Variants in CDCA3 observed in about 807,000 individuals in gnomAD.
CDCA3 encodes the protein cell division cycle-associated protein 3.
Under a neutral mutation model 29.1 loss-of-function variants are expected in CDCA3, and 16 were observed. That is an observed-to-expected ratio of 0.55 (90% CI 0.37 to 0.83). The LOEUF is 0.83. Among genes scored for constraint, CDCA3 ranks in the 40% least tolerant of loss-of-function variants. The pLI is 0.00. For missense variants in CDCA3, 291 were observed against 327.2 expected, an observed-to-expected ratio of 0.89 and a Z score of 0.85; for synonymous variants, 88 against 124.5, an observed-to-expected ratio of 0.71 and a Z score of 1.95.
At chr12:6,845,005 G>A (rs782740415), downstream of CDCA3, 1 of 152,472 alleles carries the variant, frequency 6.6e-6, no homozygotes, top group South Asian at 2.1e-4. Context: ...GTCCATAATA[G>A]CTCATGTTTT....
Position 6,850,340 on chromosome 12 carries a change from GA to G in CDCA3, c.250+126del, listed in dbSNP as rs1409315106. On this transcript the variant is annotated intron_variant, in intron 3 of 5. Coordinates refer to ENST00000538862, the MANE Select transcript of CDCA3 (RefSeq NM_031299.7). This position sits in a 1 kb window ranked among gnomAD's most constrained non-coding sequence, Gnocchi z 4.7. The stretch of plus-strand genomic sequence containing the variant: ...GGCTGGGAACAAAATATTGAGATAA[GA>G]GTGAGATGGGTCCGAAGCAGGAGGA... 20 of 1,235,138 alleles carry G rather than the reference GA, an allele frequency of 1.6e-5. No homozygotes were observed. In the African/African-American group the frequency reaches 2.1e-4, roughly 13 times the overall value. The allele number at this position is 1,235,138 out of a possible 1,614,324, so 76.5% of individuals were successfully genotyped here.
Position 6,849,860 on chromosome 12 carries a change from T to C in CDCA3, c.251-2A>G. The C allele has an allele frequency of 1.3e-6, 2 of 1,520,782 alleles. No homozygotes were observed. The highest frequency in any genetic ancestry group is 1.8e-6 in the Non-Finnish European group (2 of 1,133,994). The allele number at this position is 1,520,782 out of a possible 1,614,324, so 94.2% of individuals were successfully genotyped here. ...GTTTCACCAGTGGGCTTGGGGGGTC[T>C]AGAGGAAGAAAGTGAAGTGAACAGT... is the stretch of plus-strand genomic sequence containing the variant. On this transcript the variant is annotated splice_acceptor_variant, in intron 3 of 5. Transcript: ENST00000538862. LOFTEE classifies it high-confidence loss of function. The surrounding 1 kb of genome is among the most constrained non-coding windows in gnomAD (Gnocchi z 5.2).
downstream of CDCA3, chr12:6,845,803 G>C (rs782189035): frequency 9.3e-6 from 15 of 1,607,876 alleles, no homozygotes; most frequent in Admixed American, 3.3e-5. Flanking sequence ...GAGCGTGTGG[G>C]TAAGGGCCAG....
chr12:6,846,786 C>T (rs1194594740), downstream of CDCA3: 1 of 1,553,314 alleles, frequency 6.4e-7, no homozygotes, highest in South Asian at 1.2e-5. Context: ...TTTCCCTCTT[C>T]CTCAGGCATC....
chr12:6,845,671 T>C (rs782118360), downstream of CDCA3: 3 of 1,614,104 alleles, frequency 1.9e-6, no homozygotes, highest in East Asian at 4.5e-5. Context: ...CAGGAGCTGA[T>C]CTGCTTCTCC....
Position 6,849,344 on chromosome 12 carries a change from AGGGGAGTTGT to A in CDCA3, c.620_629del (p.Asp207ValfsTer4). On this transcript the variant is annotated frameshift_variant, in exon 5 of 6. Transcript: ENST00000538862. LOFTEE classifies it high-confidence loss of function. This position sits in a 1 kb window ranked among gnomAD's most constrained non-coding sequence, Gnocchi z 5.2. ...TTACCTGTCGTAGTGTCAGGGTGCC[AGGGGAGTTGT>A]CATCCTGCAGGATGGTGAGGGGGGA... 6.2e-7 allele frequency: 1 copy of A among 1,603,186 alleles called. No individual in the cohort carries two copies. The highest frequency in any genetic ancestry group is 2.2e-5 in the East Asian group (1 of 44,786).
chr12:6,847,495 T>TGGATA (rs1455399169), downstream of CDCA3: 1 of 153,518 alleles, frequency 6.5e-6, no homozygotes, highest in Non-Finnish European at 1.5e-5. Context: ...GGCTGGGTAC[T>TGGATA]GGATAGCTTG....
rs1448011492 is a variant in CDCA3 at position 6,849,587 on chromosome 12, G to A, written c.522C>T (p.Asp174=). 1 of 1,611,108 alleles carries A rather than the reference G, an allele frequency of 6.2e-7. No homozygotes were observed. Among genetic ancestry groups the A allele is most frequent in the Non-Finnish European group, 8.5e-7 (1 of 1,178,508 alleles). Residue 174 remains aspartate, a synonymous_variant, in exon 4 of 6, where the codon GAC becomes GAT. Coordinates refer to ENST00000538862, the MANE Select transcript of CDCA3 (RefSeq NM_031299.7). The surrounding 1 kb of genome is among the most constrained non-coding windows in gnomAD (Gnocchi z 5.2). ...TACCTGAAGATCTGGGAGTCTCAGG[G>A]TCCCTTGAGGGCTTGTCGGAGCTCT... ...ASQSSDKPSR[D]PETPRSSGSM... is the part of the protein sequence containing the mutation.
At position 6,849,388 on chromosome 12, in the gene CDCA3, G is replaced by C. The variant is rs1555125679; in HGVS notation, c.586C>G (p.Leu196Val). The change falls in exon 5 of 6, where the codon CTA becomes GTA. Residue 196 changes from leucine to valine, a missense_variant. Leu to Val is a conservative substitution (Grantham distance 32). Transcript: ENST00000538862. This position sits in a 1 kb window ranked among gnomAD's most constrained non-coding sequence, Gnocchi z 5.2. Reference protein sequence around the residue: ...NRWKPNSSKVLGRSPLTILQD... With the variant: ...NRWKPNSSKVVGRSPLTILQD... ...AGGATGGTGAGGGGGGATCTCCCTA[G>C]TACCTTGCTGCTGTTTGGTTTCCAT... 6.2e-7 allele frequency: 1 copy of C among 1,604,384 alleles called. No individual in the cohort carries two copies. Among genetic ancestry groups the C allele is most frequent in the South Asian group, 1.1e-5 (1 of 89,516 alleles).
chr12:6,848,967 C>G lies in CDCA3; in HGVS notation c.*76G>C. ...AAGAAAACAAGCCATTCCTCAGTAT[C>G]CCTGGGAAAGAAGGGGTGAGAGGAC... On this transcript the variant is annotated 3_prime_UTR_variant, in exon 6 of 6. Coordinates refer to ENST00000538862, the MANE Select transcript of CDCA3 (RefSeq NM_031299.7). 1 of 707,260 alleles carries G rather than the reference C, an allele frequency of 1.4e-6. No homozygotes were observed. The highest frequency in any genetic ancestry group is 1.6e-5 in the South Asian group (1 of 62,724). 43.8% of individuals were successfully genotyped at this position (707,260 alleles called of 1,614,324 possible).
At position 6,849,905 on chromosome 12, in the gene CDCA3, T is replaced by C; in HGVS notation, c.251-47A>G. The stretch of plus-strand genomic sequence containing the variant: ...AACAGTGACCTTCTGATACACAACA[T>C]TCAGCAAGGAGCAAAACATACAGAA... On this transcript the variant is annotated intron_variant, in intron 3 of 5. Transcript: ENST00000538862. The surrounding 1 kb of genome is among the most constrained non-coding windows in gnomAD (Gnocchi z 5.2). 1 of 1,456,106 alleles carries C rather than the reference T, an allele frequency of 6.9e-7. No individual in the cohort carries two copies. The highest frequency in any genetic ancestry group is 9.1e-7 in the Non-Finnish European group (1 of 1,092,948). The allele number at this position is 1,456,106 out of a possible 1,614,324, so 90.2% of individuals were successfully genotyped here. A position where few individuals can be genotyped will look rare whatever the true frequency, so the allele number is the denominator to read the frequency against.
Position 6,849,664 on chromosome 12 carries a change from C to T in CDCA3, c.445G>A (p.Val149Met). 6.2e-7 allele frequency: 1 copy of T among 1,614,084 alleles called. No homozygotes were observed. Among genetic ancestry groups the T allele is most frequent in the Non-Finnish European group, 8.5e-7 (1 of 1,179,998 alleles). ...WNQTEFPSKQVFSKEEARQPT... is the reference protein window; with the variant it reads ...WNQTEFPSKQMFSKEEARQPT... The stretch of plus-strand genomic sequence containing the variant: ...TGTCTTGCTTCCTCCTTGGAAAACA[C>T]CTGTTTGGAGGGGAACTCAGTCTGG... Residue 149 changes from valine (V) to methionine (M), a missense_variant, in exon 4 of 6, where the codon GTG becomes ATG. By Grantham distance (21) the Val-to-Met change is conservative. Coordinates refer to ENST00000538862, the MANE Select transcript of CDCA3 (RefSeq NM_031299.7). This position sits in a 1 kb window ranked among gnomAD's most constrained non-coding sequence, Gnocchi z 5.2.
In CDCA3 at chr12:6,849,926, C is replaced by G. The variant is rs1368636348; in HGVS notation, c.251-68G>C. The G allele has an allele frequency of 7.3e-7, 1 of 1,365,876 alleles. No individual in the cohort carries two copies. Among genetic ancestry groups the G allele is most frequent in the Non-Finnish European group, 9.7e-7 (1 of 1,025,960 alleles). 84.6% of individuals were successfully genotyped at this position (1,365,876 alleles called of 1,614,324 possible). The stretch of plus-strand genomic sequence containing the variant: ...AACATTCAGCAAGGAGCAAAACATA[C>G]AGAAACCCAGGACTCATGCCCAGGA... On this transcript the variant is annotated intron_variant, in intron 3 of 5. Transcript: ENST00000538862. This position sits in a 1 kb window ranked among gnomAD's most constrained non-coding sequence, Gnocchi z 5.2.
Position 6,849,793 on chromosome 12 carries a change from G to C in CDCA3, c.316C>G (p.Leu106Val). 6.3e-7 allele frequency: 1 copy of C among 1,593,320 alleles called. No individual in the cohort carries two copies. Among genetic ancestry groups the C allele is most frequent in the Non-Finnish European group, 8.6e-7 (1 of 1,167,828 alleles). ...VFETEDSKSN[L>V]PPEPVLPPEA... ...GGGGGCAGAACAGGCTCTGGGGGAA[G>C]ATTTGATTTAGAGTCTTCAGTTTCA... The change falls in exon 4 of 6, where the codon CTT becomes GTT. Residue 106 changes from leucine to valine, a missense_variant. By Grantham distance (32) the Leu-to-Val change is conservative. Transcript: ENST00000538862. This position sits in a 1 kb window ranked among gnomAD's most constrained non-coding sequence, Gnocchi z 5.2.
At chr12:6,845,422 T>C, downstream of CDCA3, 1 of 611,648 alleles carries the variant, frequency 1.6e-6, no homozygotes. Context: ...TGGCACGTGG[T>C]ATGTGTTGGC....
rs782106191 is a variant in CDCA3, at chr12:6,850,878, C to G, written c.75G>C (p.Ala25=). The G allele has an allele frequency of 3.1e-6, 5 of 1,613,858 alleles. No homozygotes were observed. The highest frequency in any genetic ancestry group is 4.2e-6 in the Non-Finnish European group (5 of 1,179,952). The change falls in exon 2 of 6, where the codon GCG becomes GCC. Residue 25 remains alanine, a synonymous_variant. Transcript: ENST00000538862. This position sits in a 1 kb window ranked among gnomAD's most constrained non-coding sequence, Gnocchi z 4.7. Reference sequence around the variant, plus strand: ...TGCCAGCACTAGGTGAACGGGGGTCCGCCACTCGAGCCAGATGCTTGTTGT... The same window carrying G: ...TGCCAGCACTAGGTGAACGGGGGTCGGCCACTCGAGCCAGATGCTTGTTGT... The part of the protein sequence containing the change: ...PPHNKHLARV[A]DPRSPSAGIL...
chr12:6,846,704 C>CACAG (rs2137995281), downstream of CDCA3: 1 of 724,762 alleles, frequency 1.4e-6, no homozygotes, highest in Admixed American at 2.1e-5. Context: ...CACACACCCA[C>CACAG]ACACCCACAC....
At position 6,850,657 on chromosome 12, in the gene CDCA3, T is replaced by C; in HGVS notation, c.121-61A>G. On this transcript the variant is annotated intron_variant, in intron 2 of 5. Coordinates refer to ENST00000538862, the MANE Select transcript of CDCA3 (RefSeq NM_031299.7). The surrounding 1 kb of genome is among the most constrained non-coding windows in gnomAD (Gnocchi z 4.7). ...TGACTCTTCTCTCCTCTCCTCCCCA[T>C]ATTCCAGGAAGGAATTGCCAAGGCC... 1.2e-6 allele frequency: 2 copies of C among 1,609,456 alleles called. No individual in the cohort carries two copies.
chr12:6,847,065 C>G (rs1313090355), downstream of CDCA3: 1 of 589,668 alleles, frequency 1.7e-6, no homozygotes, highest in African/African-American at 1.9e-5. Context: ...GAGGCAGCAT[C>G]AGGGACACAG....
Sources: gnomAD v4.1 joint callset for allele counts on GRCh38, gnomAD v4.1.1 for gene constraint, Gnocchi (gnomAD v3.1) non-coding constraint, MANE v1.5 for transcripts, NCBI Gene and HGNC (gene_info 2026-07-23, HGNC 2026-07-21) for gene names.